Variants in CHD7 observed in about 807,000 individuals in gnomAD.
CHD7 encodes the protein ATP-dependent chromatin remodeler CHD7.
In CHD7, 24 loss-of-function variants were observed where a neutral mutation model predicts 307.3. The observed-to-expected ratio is 0.08, with a 90% CI of 0.06 to 0.11. The LOEUF (loss-of-function observed/expected upper bound fraction) is 0.11. Ranked by LOEUF, CHD7 falls within the 10% of genes least tolerant of loss-of-function variation. CHD7 has a pLI of 1.00. For missense variants in CHD7, 3,106 were observed against 3,727.1 expected, an observed-to-expected ratio of 0.83 and a Z score of 4.34; for synonymous variants, 1,363 against 1,349.9, an observed-to-expected ratio of 1.01 and a Z score of -0.21.
At chr8:60,782,664 C>T (rs943102476) in intron 3 of CHD7, among the ~76,000 whole-genome samples, 1 of 152,116 alleles carries the variant, frequency 6.6e-6, no homozygotes, top group Admixed American at 6.5e-5. Context: ...AGTGTGTGGT[C>T]TCCTAATTGA....
intron 1 of CHD7, among the ~76,000 whole-genome samples, chr8:60,729,337 A>G (rs891561866): frequency 1.3e-5 from 2 of 152,146 alleles, no homozygotes; most frequent in Non-Finnish European, 2.9e-5. Context: ...CTTTATTTAT[A>G]TTCTTTAGGT....
chr8:60,735,778 C>G (rs559726524), intron 1 of CHD7, among the ~76,000 whole-genome samples: 2 of 152,252 alleles, frequency 1.3e-5, no homozygotes, highest in African/African-American at 4.8e-5. Flanking sequence ...CATGTTACCT[C>G]TAAGAAGAAA....
intron 23 of CHD7, among the ~76,000 whole-genome samples, chr8:60,848,215 A>G (rs1412232702): frequency 1.3e-5 from 2 of 152,248 alleles, no homozygotes; most frequent in Non-Finnish European, 2.9e-5. Context: ...ATGGTAGGGT[A>G]CGTGTCTAAA....
At chr8:60,691,168 C>T (rs6983706) in intron 1 of CHD7, among the ~76,000 whole-genome samples, 1,530 of 152,244 alleles carry the variant, frequency 0.01, 30 homozygotes, top group African/African-American at 0.035. Context: ...TCAGCTGATC[C>T]ACCTCGGCCT....
At chr8:60,843,320 G>A (rs1454644448) in intron 21 of CHD7, among the ~76,000 whole-genome samples, 1 of 152,174 alleles carries the variant, frequency 6.6e-6, no homozygotes, top group Admixed American at 6.5e-5. Context: ...CCCCGCAAAA[G>A]CCCTTTGCTA....
At chr8:60,698,739 A>G (rs1806615449) in intron 1 of CHD7, among the ~76,000 whole-genome samples, 1 of 152,160 alleles carries the variant, frequency 6.6e-6, no homozygotes, top group Non-Finnish European at 1.5e-5. Flanking sequence ...AGATTTGCAG[A>G]GCCTTGATGT....
At chr8:60,831,299 G>A (rs1053925193) in intron 15 of CHD7, among the ~76,000 whole-genome samples, 2 of 152,120 alleles carry the variant, frequency 1.3e-5, no homozygotes, top group Non-Finnish European at 2.9e-5. Context: ...TCTTTAGAAG[G>A]AGATGGTCTT....
intron 1 of CHD7, among the ~76,000 whole-genome samples, chr8:60,703,016 A>G (rs556550004): frequency 2.6e-5 from 4 of 152,272 alleles, no homozygotes; most frequent in Admixed American, 1.3e-4. Flanking sequence ...GAAGTTTGCT[A>G]TTGTCTCTCT....
At chr8:60,729,006 A>G (rs1031327718) in intron 1 of CHD7, among the ~76,000 whole-genome samples, 1 of 152,254 alleles carries the variant, frequency 6.6e-6, no homozygotes, top group Non-Finnish European at 1.5e-5. Flanking sequence ...TGTCAATAAC[A>G]GAAAAATTAG....
chr8:60,732,328 C>T lies in CHD7; in HGVS notation c.-174-8931C>T, dbSNP rs556333359. Among the ~76,000 whole-genome samples, 4 of 152,340 alleles carry T rather than the reference C, an allele frequency of 2.6e-5. 1 individual carries two copies. The South Asian group carries it at 6.2e-4, about 24-fold the overall frequency. ...ATCAGTGACAACTGCAGTCAGTACA[C>T]GAAGAGCACGCTTCTTACAAGAGCA... On this transcript the variant is annotated intron_variant, in intron 1 of 37. Transcript: ENST00000423902.
At chr8:60,802,855 T>A (rs1812375350) in intron 6 of CHD7, among the ~76,000 whole-genome samples, 1 of 152,212 alleles carries the variant, frequency 6.6e-6, no homozygotes, top group Admixed American at 6.5e-5. Flanking sequence ...TTACTTTCAT[T>A]TCATTAGTTT....
chr8:60,850,622 G>T lies in CHD7; in HGVS notation c.5534G>T (p.Gly1845Val). The T allele has an allele frequency of 6.2e-7, 1 of 1,609,436 alleles. No individual in the cohort carries two copies. Among genetic ancestry groups the T allele is most frequent in the African/African-American group, 1.3e-5 (1 of 74,944 alleles). Residue 1845 changes from glycine (G) to valine (V), a missense_variant and splice_region_variant, in exon 26 of 38, where the codon GGG becomes GTG. Physicochemically the swap from Gly to Val is moderately radical, Grantham distance 109. Around this residue, in one of 10 missense-constraint regions of CHD7, gnomAD observed 1,030 missense variants for 1,165.4 expected, o/e 0.88. Coordinates refer to ENST00000423902, the MANE Select transcript of CHD7 (RefSeq NM_017780.4). Reference protein sequence around the residue: ...GTDMLADGGDGGEFDREDEDP... With the variant: ...GTDMLADGGDVGEFDREDEDP... ...GACATGCTAGCAGATGGTGGTGACG[G>T]GTAAGAAGGACATTTTAAAATTTGA...
chr8:60,693,447 G>C (rs1806303717), intron 1 of CHD7, among the ~76,000 whole-genome samples: 1 of 152,226 alleles, frequency 6.6e-6, no homozygotes, highest in Non-Finnish European at 1.5e-5. Context: ...TCCTCTGGCA[G>C]GGCTTGTGGG....
intron 1 of CHD7, among the ~76,000 whole-genome samples, chr8:60,707,016 G>C (rs1807056804): frequency 1.3e-5 from 2 of 151,926 alleles, no homozygotes; most frequent in Admixed American, 6.6e-5. Flanking sequence ...TCCCCTTCCT[G>C]TGTCCAAGTG....
chr8:60,715,095 A>C (rs1807523485), intron 1 of CHD7, among the ~76,000 whole-genome samples: 1 of 152,228 alleles, frequency 6.6e-6, no homozygotes, highest in Non-Finnish European at 1.5e-5. Context: ...TGATTGGAGA[A>C]AGACATTAGA....
At chr8:60,820,950 G>A (rs1388601262) in intron 9 of CHD7, among the ~76,000 whole-genome samples, 1 of 152,124 alleles carries the variant, frequency 6.6e-6, no homozygotes, top group Non-Finnish European at 1.5e-5. Context: ...AGTGTTCCTT[G>A]GTCCTGAAAT....
intron 15 of CHD7, among the ~76,000 whole-genome samples, chr8:60,832,025 C>T (rs1360676028): frequency 1.3e-5 from 2 of 151,784 alleles, no homozygotes; most frequent in African/African-American, 4.8e-5. Context: ...TATATATACA[C>T]AGTTTTTTTT....
At chr8:60,828,375 G>A (rs1804350979) in intron 13 of CHD7, among the ~76,000 whole-genome samples, 1 of 152,066 alleles carries the variant, frequency 6.6e-6, no homozygotes, top group African/African-American at 2.4e-5. Flanking sequence ...TTGAGACTTG[G>A]GGGACTTAAA....
chr8:60,795,116 C>T lies in CHD7; in HGVS notation c.2227C>T (p.Pro743Ser). ...PSPPPEEDED[P>S]GVQKRRSSRQ... Reference sequence around the variant, plus strand: ...TCCTCCTCCTGAAGAAGATGAGGACCCAGGTGTTCAGGTAATACAATTATT... The same window carrying T: ...TCCTCCTCCTGAAGAAGATGAGGACTCAGGTGTTCAGGTAATACAATTATT... Residue 743 changes from proline to serine, a missense_variant, in exon 4 of 38, where the codon CCA becomes TCA. Physicochemically the swap from Pro to Ser is moderately conservative, Grantham distance 74 (BLOSUM62 -1). Transcript: ENST00000423902. 1.9e-6 allele frequency: 3 copies of T among 1,612,848 alleles called. No homozygotes were observed. The highest frequency in any genetic ancestry group is 2.5e-6 in the Non-Finnish European group (3 of 1,179,504).
Sources: gnomAD v4.1 joint callset for allele counts (sites outside exome capture counted in the v4.1 genomes callset) on GRCh38, gnomAD v4.1.1 for gene constraint, gnomAD v4.1.1 regional missense constraint, MANE v1.5 for transcripts, NCBI Gene and HGNC (gene_info 2026-07-23, HGNC 2026-07-21) for gene names.